Variants in TAF1 observed in about 807,000 individuals in gnomAD.
TAF1 encodes TATA-box binding protein associated factor 1.
Under a neutral mutation model 138.5 loss-of-function variants are expected in TAF1, and 2 were observed. The observed-to-expected ratio is 0.01, with a 90% CI of 0.01 to 0.05. The LOEUF (loss-of-function observed/expected upper bound fraction) is 0.05, where lower values mean the gene tolerates loss of function less well. Among genes scored for constraint, TAF1 ranks in the 10% least tolerant of loss-of-function variants. The pLI, the probability that TAF1 is intolerant of heterozygous loss-of-function variation, is 1.00. For synonymous variants in TAF1, 437 were observed against 503.2 expected (o/e 0.87, Z 1.76); for missense variants, 709 against 1,478.0 (o/e 0.48, Z 8.53).
chrX:71,506,149 G>A (rs1442867217), intron 13 of TAF1, among the ~76,000 whole-genome samples: 3 of 108,025 alleles, frequency 2.8e-5, no homozygotes, highest in African/African-American at 6.7e-5. Flanking sequence ...GCAGTGAGCC[G>A]AGACCACGCC....
intron 13 of TAF1, among the ~76,000 whole-genome samples, chrX:71,526,982 C>T (rs1042977192): frequency 1.9e-4 from 20 of 106,173 alleles, no homozygotes; most frequent in African/African-American, 5.9e-4. Context: ...CCTCCCACTG[C>T]GATCCTCCTA....
chrX:71,452,382 T>G (rs1476830298), intron 32 of TAF1, among the ~76,000 whole-genome samples: 1 of 95,914 alleles, frequency 1.0e-5, no homozygotes, highest in Non-Finnish European at 2.1e-5. Flanking sequence ...CCTCCCAGAC[T>G]GGGTCGCGGC....
chrX:71,517,340 C>T (rs41414949), intron 13 of TAF1, among the ~76,000 whole-genome samples: 6 of 111,872 alleles, frequency 5.4e-5, no homozygotes, highest in Non-Finnish European at 7.5e-5. Context: ...AGAATATAAT[C>T]GGATTGTTTG....
chrX:71,427,200 A>G (rs2036635358), intron 32 of TAF1, among the ~76,000 whole-genome samples: 1 of 112,302 alleles, frequency 8.9e-6, no homozygotes, highest in Non-Finnish European at 1.9e-5. Context: ...TAGAACATGC[A>G]TATATCATTA....
intron 29 of TAF1, among the ~76,000 whole-genome samples, chrX:71,422,397 AC>A (rs1291555314): frequency 9.5e-6 from 1 of 105,313 alleles, no homozygotes; most frequent in African/African-American, 3.5e-5. Flanking sequence ...ACCTTGGCTC[AC>A]TGCAACCTCC....
At chrX:71,507,825 T>TAAAA (rs2039656105) in intron 13 of TAF1, among the ~76,000 whole-genome samples, 1 of 109,894 alleles carries the variant, frequency 9.1e-6, no homozygotes, top group African/African-American at 3.3e-5. Context: ...GTATGAATAC[T>TAAAA]AAATGCTAGT....
chrX:71,456,746 G>A (rs1400425235), intron 34 of TAF1, among the ~76,000 whole-genome samples: 2 of 89,307 alleles, frequency 2.2e-5, no homozygotes, highest in East Asian at 3.8e-4. Flanking sequence ...CGCAATCTCG[G>A]CTCACTGCAA....
chrX:71,440,901 TCTC>T (rs765158401), intron 32 of TAF1, among the ~76,000 whole-genome samples: 12 of 110,895 alleles, frequency 1.1e-4, no homozygotes, highest in Admixed American at 1.9e-4. Flanking sequence ...ATCTGTGTCT[TCTC>T]CTCCTCCCTT....
exon 15 of TAF1, chrX:71,530,004 A>G: frequency 5.5e-6 from 1 of 181,183 alleles, no homozygotes. Context: ...TGCCTTTTTC[A>G]ATGTACTCAT....
intron 32 of TAF1, chrX:71,441,629 C>G (rs2037428158): frequency 3.4e-6 from 1 of 298,504 alleles, no homozygotes; most frequent in Admixed American, 4.2e-5. Context: ...TATAGTCATT[C>G]TACGGCGCTA....
intron 13 of TAF1, among the ~76,000 whole-genome samples, chrX:71,527,305 G>T (rs2040014612): frequency 9.5e-6 from 1 of 105,066 alleles, no homozygotes; most frequent in Non-Finnish European, 1.9e-5. Flanking sequence ...AGAATTGCTT[G>T]AACCTGAGAG....
At chrX:71,397,204 T>A (rs747112837) in intron 22 of TAF1, 49 bp from the exon 23 acceptor site, 4 of 1,143,098 alleles carry the variant, frequency 3.5e-6, no homozygotes, top group Admixed American at 2.4e-5. Context: ...AAAATGATCA[T>A]TTGGGAGATA....
intron 3 of TAF1, among the ~76,000 whole-genome samples, chrX:71,374,138 C>T (rs1487634156): frequency 9.2e-6 from 1 of 109,209 alleles, no homozygotes; most frequent in Non-Finnish European, 1.9e-5. Context: ...GGCTGGAGTG[C>T]AGTGGCGCAA....
At chrX:71,478,990 C>T (rs931826624) in intron 13 of TAF1, among the ~76,000 whole-genome samples, 6 of 112,449 alleles carry the variant, frequency 5.3e-5, no homozygotes, top group African/African-American at 1.9e-4. Flanking sequence ...TCTTGCACCA[C>T]CGTACCAGAA....
At chrX:71,483,724 A>G (rs1409193467) in intron 13 of TAF1, among the ~76,000 whole-genome samples, 1 of 103,389 alleles carries the variant, frequency 9.7e-6, no homozygotes, top group Non-Finnish European at 2.0e-5. Context: ...CTTTTTACAC[A>G]TAATATATTG....
At chrX:71,452,173 T>C (rs2038018231) in intron 32 of TAF1, among the ~76,000 whole-genome samples, 1 of 92,066 alleles carries the variant, frequency 1.1e-5, no homozygotes, top group Admixed American at 1.2e-4. Flanking sequence ...CCCCCCCACC[T>C]CCCTCCTGGA....
intron 28 of TAF1, among the ~76,000 whole-genome samples, chrX:71,409,516 A>T (rs778831253): frequency 2.7e-4 from 30 of 112,132 alleles, no homozygotes; most frequent in South Asian, 7.4e-4. Context: ...CCTTGAGCAC[A>T]GATTCACAGA....
intron 13 of TAF1, among the ~76,000 whole-genome samples, chrX:71,507,958 C>T (rs1458038804): frequency 9.2e-6 from 1 of 108,207 alleles, no homozygotes; most frequent in Non-Finnish European, 1.9e-5. Context: ...CACTGCACTC[C>T]AGCCTGGGTG....
At chrX:71,517,045 G>A (rs897211839) in intron 13 of TAF1, among the ~76,000 whole-genome samples, 5 of 110,392 alleles carry the variant, frequency 4.5e-5, no homozygotes, top group South Asian at 7.8e-4. Context: ...TTAAAAGGGC[G>A]GGAGGGAACT....
Sources: allele counts gnomAD v4.1 joint callset (sites outside exome capture counted in the v4.1 genomes callset), GRCh38; gene constraint gnomAD v4.1.1; transcripts MANE v1.5; gene names NCBI Gene and HGNC (gene_info 2026-07-23, HGNC 2026-07-21).